The following PDE1A variants were observed in gnomAD, a reference collection of about 807,000 sequenced individuals.
The protein encoded by PDE1A is phosphodiesterase 1A, also known as dual specificity calcium/calmodulin-dependent 3',5'-cyclic nucleotide phosphodiesterase 1A.
PDE1A carries 35 observed loss-of-function variants against 61.7 expected under a neutral mutation model. The ratio of observed to expected loss-of-function variants is 0.57; its 90% CI spans 0.43 to 0.75. PDE1A has a LOEUF of 0.75. Among genes scored for constraint, PDE1A ranks in the 30% least tolerant of loss-of-function variants. The probability of loss-of-function intolerance (pLI) is 0.00; values close to 1 mark genes in which losing one functional copy is unlikely to be tolerated. For synonymous variants in PDE1A, 232 were observed against 213.2 expected (o/e 1.09, Z -0.77); for missense variants, 597 against 630.6 (o/e 0.95, Z 0.57).
intron 7 of PDE1A, among the ~76,000 whole-genome samples, chr2:182,220,090 T>C (rs1390392083): frequency 2.6e-5 from 4 of 151,908 alleles, no homozygotes; most frequent in Admixed American, 2.6e-4. Context: ...TCTAGCACTA[T>C]CATAAAGATG....
the PDE1A span, among the ~76,000 whole-genome samples, chr2:182,696,750 C>T: frequency 2.6e-5 from 4 of 152,164 alleles, no homozygotes; most frequent in African/African-American, 9.6e-5. Flanking sequence ...CTGTACCTTC[C>T]ACTCCAGTTT....
intron 1 of PDE1A, among the ~76,000 whole-genome samples, chr2:182,309,469 A>C (rs1411236155): frequency 6.6e-6 from 1 of 152,080 alleles, no homozygotes; most frequent in Non-Finnish European, 1.5e-5. Flanking sequence ...ATAAAATAAA[A>C]CAAAACAAAT....
chr2:182,272,776 A>G (rs1221638913), intron 1 of PDE1A, among the ~76,000 whole-genome samples: 1 of 152,186 alleles, frequency 6.6e-6, no homozygotes, highest in East Asian at 1.9e-4. Context: ...CAGATCAAGC[A>G]TTTACAAAAT....
downstream of PDE1A, among the ~76,000 whole-genome samples, chr2:182,164,791 GGGCAGCATTTTGTCCTTACT>G (rs1691566916): frequency 6.6e-6 from 1 of 152,034 alleles, no homozygotes; most frequent in Non-Finnish European, 1.5e-5. Context: ...ATCACAGAAG[GGGCAGCATTTTGTCCTTACT>G]GGCATAGACA....
intron 1 of PDE1A, among the ~76,000 whole-genome samples, chr2:182,358,611 C>T (rs1699330877): frequency 6.6e-6 from 1 of 152,078 alleles, no homozygotes; most frequent in Non-Finnish European, 1.5e-5. Context: ...GCATCTGTAT[C>T]TTGCTGTTTT....
At chr2:182,636,705 C>T in the PDE1A span, among the ~76,000 whole-genome samples, 1 of 152,172 alleles carries the variant, frequency 6.6e-6, no homozygotes, top group South Asian at 2.1e-4. Context: ...TCTCACAGTT[C>T]TATAGTTGAG....
chr2:182,317,896 G>A (rs1265367950), intron 1 of PDE1A, among the ~76,000 whole-genome samples: 1 of 152,056 alleles, frequency 6.6e-6, no homozygotes, highest in Non-Finnish European at 1.5e-5. Flanking sequence ...TTGTAAATAT[G>A]CCTGACACTT....
At chr2:182,188,527 G>A (rs13015852) in intron 11 of PDE1A, among the ~76,000 whole-genome samples, 1 of 152,174 alleles carries the variant, frequency 6.6e-6, no homozygotes, top group South Asian at 2.1e-4. Flanking sequence ...ATTTCCTGTT[G>A]TTGGTTAATC....
At chr2:182,412,181 A>G (rs1217838691) in intron 1 of PDE1A, among the ~76,000 whole-genome samples, 1 of 152,174 alleles carries the variant, frequency 6.6e-6, no homozygotes, top group Non-Finnish European at 1.5e-5. Context: ...TTCAGAAAGC[A>G]TATAAATGTA....
At chr2:182,281,748 G>C (rs1383063532) in intron 1 of PDE1A, among the ~76,000 whole-genome samples, 1 of 151,900 alleles carries the variant, frequency 6.6e-6, no homozygotes, top group Non-Finnish European at 1.5e-5. Context: ...CGGCTGCTTA[G>C]ATTGTTTTAC....
chr2:182,508,740 AT>A (rs200385458), intron 2 of PDE1A, among the ~76,000 whole-genome samples: 1,609 of 138,192 alleles, frequency 0.012, 29 homozygotes, highest in Middle Eastern at 0.036. Flanking sequence ...TTTTTTTTTT[AT>A]TTTTTTTTTA....
chr2:182,332,604 C>A (rs1428042100), intron 1 of PDE1A, among the ~76,000 whole-genome samples: 1 of 151,966 alleles, frequency 6.6e-6, no homozygotes, highest in Non-Finnish European at 1.5e-5. Context: ...TTCATTTTCC[C>A]GCTGCAGGTC....
chr2:182,623,696 G>C, the PDE1A span, among the ~76,000 whole-genome samples: 1 of 152,176 alleles, frequency 6.6e-6, no homozygotes, highest in African/African-American at 2.4e-5. Context: ...TCTTCATTTG[G>C]ATGTTAATAT....
chr2:182,556,540 G>A, the PDE1A span, among the ~76,000 whole-genome samples: 1 of 152,088 alleles, frequency 6.6e-6, no homozygotes, highest in African/African-American at 2.4e-5. Context: ...AGAAAACAAG[G>A]AAGCTAACCC....
intron 13 of PDE1A, among the ~76,000 whole-genome samples, chr2:182,180,073 A>G (rs1184118370): frequency 6.6e-6 from 1 of 152,160 alleles, no homozygotes; most frequent in Non-Finnish European, 1.5e-5. Context: ...AGAAACTTTC[A>G]TCTTCAGCGT....
chr2:182,499,008 G>T (rs1004272184), intron 2 of PDE1A, among the ~76,000 whole-genome samples: 2 of 151,340 alleles, frequency 1.3e-5, no homozygotes, highest in Non-Finnish European at 2.9e-5. Flanking sequence ...GTTTTTTTGA[G>T]ATTGAGTCTT....
At chr2:182,347,198 A>G (rs1272221803) in intron 1 of PDE1A, among the ~76,000 whole-genome samples, 4 of 152,102 alleles carry the variant, frequency 2.6e-5, no homozygotes, top group African/African-American at 9.7e-5. Context: ...TCCTGATCAG[A>G]AAATTTTTAA....
At chr2:182,178,556 G>A (rs1357478279) in intron 13 of PDE1A, among the ~76,000 whole-genome samples, 1 of 152,120 alleles carries the variant, frequency 6.6e-6, no homozygotes. Flanking sequence ...GGAAAAACAA[G>A]AAAGAATTCT....
intron 1 of PDE1A, among the ~76,000 whole-genome samples, chr2:182,308,330 G>T (rs960554917): frequency 6.6e-6 from 1 of 152,102 alleles, no homozygotes; most frequent in African/African-American, 2.4e-5. Flanking sequence ...CTCCAATAAA[G>T]ATGGATGTGG....
Sources: gnomAD v4.1 joint callset for allele counts (sites outside exome capture counted in the v4.1 genomes callset) on GRCh38, gnomAD v4.1.1 for gene constraint, MANE v1.5 for transcripts, NCBI Gene and HGNC (gene_info 2026-07-23, HGNC 2026-07-21) for gene names.